Variants in NIT2 observed in about 807,000 individuals in gnomAD.
NIT2 encodes the protein omega-amidase NIT2.
In NIT2, 46 loss-of-function variants were observed where a neutral mutation model predicts 42.7. The ratio of observed to expected loss-of-function variants is 1.08; its 90% CI spans 0.85 to 1.38. NIT2 has a LOEUF of 1.38. NIT2 is among the 40% of genes most tolerant of loss of function. The pLI is 0.00. For synonymous variants in NIT2, 123 were observed against 121.9 expected, an observed-to-expected ratio of 1.01 and a Z score of -0.06; for missense variants, 309 against 342.5, an observed-to-expected ratio of 0.90 and a Z score of 0.77.
intron 8 of NIT2, 52 bp from the exon 9 acceptor site, chr3:100,354,720 A>G (rs1706307675): frequency 6.9e-7 from 1 of 1,451,554 alleles, no homozygotes; most frequent in Admixed American, 1.9e-5. Context: ...AGAGACCTTG[A>G]ATATCACCAA....
intron 4 of NIT2, among the ~76,000 whole-genome samples, chr3:100,344,970 T>A (rs76870275): frequency 2.2e-4 from 28 of 126,520 alleles, no homozygotes; most frequent in Non-Finnish European, 3.7e-4. Flanking sequence ...TTTTTTTTTT[T>A]GAGAGAGAGA....
At chr3:100,354,710 A>T in intron 8 of NIT2, 62 bp from the exon 9 acceptor site, 1 of 1,359,802 alleles carries the variant, frequency 7.4e-7, no homozygotes, top group Non-Finnish European at 1.0e-6. Flanking sequence ...AGGAAAAAAC[A>T]GAGACCTTGA....
chr3:100,343,034 A>G (rs1273662842), intron 4 of NIT2, among the ~76,000 whole-genome samples: 1 of 148,568 alleles, frequency 6.7e-6, no homozygotes, highest in Non-Finnish European at 1.5e-5. Context: ...TTTTTCCACT[A>G]GTAGTTGTTA....
intron 5 of NIT2, 76 bp downstream of exon 5, chr3:100,345,754 C>A: frequency 1.1e-6 from 1 of 899,342 alleles, no homozygotes; most frequent in Non-Finnish European, 1.8e-6. Context: ...TTTTGTCTCT[C>A]TCCGATTTCT....
intron 7 of NIT2, 70 bp downstream of exon 7, chr3:100,348,951 A>C (rs1317837399): frequency 1.5e-6 from 2 of 1,325,270 alleles, no homozygotes; most frequent in Non-Finnish European, 2.2e-6. Flanking sequence ...GGTTGGGTGG[A>C]GGTGCCAGCC....
In NIT2 at chr3:100,357,821, T is replaced by C. The variant is rs1170082768; in HGVS notation, c.*2553T>C. 1.3e-5 allele frequency: 2 copies of C among 152,208 alleles called. No individual in the cohort carries two copies. The highest frequency in any genetic ancestry group is 3.9e-4 in the East Asian group (2 of 5,178). 9.4% of individuals were successfully genotyped at this position (152,208 alleles called of 1,614,324 possible). A position where few individuals can be genotyped will look rare whatever the true frequency, so the allele number is the denominator to read the frequency against. ...CATGCCTGGCTAATTTTTGTGTTTT[T>C]AGTAGAGATGGGGTTTCACCATCTT... is the stretch of plus-strand genomic sequence containing the variant. On this transcript the variant is annotated 3_prime_UTR_variant, in exon 10 of 10. Coordinates refer to ENST00000394140, the MANE Select transcript of NIT2 (RefSeq NM_020202.5).
At chr3:100,349,146 T>TA in intron 7 of NIT2, 1 of 316,074 alleles carries the variant, frequency 3.2e-6, no homozygotes, top group Admixed American at 4.5e-5. Context: ...AGACGGGTCT[T>TA]ACCATTGCCC....
At position 100,355,180 on chromosome 3, in the gene NIT2, T is replaced by C; in HGVS notation, c.743T>C (p.Leu248Pro). 1 of 1,613,810 alleles carries C rather than the reference T, an allele frequency of 6.2e-7. No individual in the cohort carries two copies. The highest frequency in any genetic ancestry group is 8.5e-7 in the Non-Finnish European group (1 of 1,179,736). The change falls in exon 10 of 10, where the codon CTG (leucine) becomes CCG (proline). Residue 248 changes from leucine (L) to proline (P), a missense_variant. Coordinates refer to ENST00000394140, the MANE Select transcript of NIT2 (RefSeq NM_020202.5). Reference sequence around the variant, plus strand: ...TGCACTTTCCTGTTTTTTGCAGACCTGAAGAAGCTGGCTGAAATACGCCAG... The same window carrying C: ...TGCACTTTCCTGTTTTTTGCAGACCCGAAGAAGCTGGCTGAAATACGCCAG... The part of the protein sequence containing the change: ...EEAIVYSDID[L>P]KKLAEIRQQI...
chr3:100,350,114 CCTCTGCCTAGAGGT>C (rs1290432509), intron 7 of NIT2: 1 of 152,116 alleles, frequency 6.6e-6, no homozygotes, highest in Non-Finnish European at 1.5e-5. Context: ...AGTACTCCTC[CCTCTGCCTAGAGGT>C]AGCTGCTGTT....
Position 100,348,897 on chromosome 3 carries a change from T to C in NIT2, c.584+16T>C, listed in dbSNP as rs1164180496. The stretch of plus-strand genomic sequence containing the variant: ...AGCGAAGCCGGTAAGAAAGGAACCA[T>C]ATATTCAAGCCTCTCGGCATGTCCT... On this transcript the variant is annotated intron_variant, in intron 7 of 9. Transcript: ENST00000394140. 5.0e-6 allele frequency: 8 copies of C among 1,609,724 alleles called. No homozygotes were observed. The highest frequency in any genetic ancestry group is 1.3e-5 in the African/African-American group (1 of 74,840).
chr3:100,352,541 T>C, intron 8 of NIT2, 39 bp downstream of exon 8: 1 of 1,514,930 alleles, frequency 6.6e-7, no homozygotes, highest in Non-Finnish European at 9.1e-7. Context: ...AGTCGGAGCT[T>C]GAGCTTGAGT....
chr3:100,339,316 G>A (rs1706119040), intron 2 of NIT2, 111 bp downstream of exon 2: 2 of 757,550 alleles, frequency 2.6e-6, no homozygotes, highest in East Asian at 2.5e-5. Context: ...GTCCCTTGGA[G>A]CCCATAGATT....
chr3:100,342,861 C>T (rs1396892709), intron 4 of NIT2, among the ~76,000 whole-genome samples: 2 of 152,110 alleles, frequency 1.3e-5, no homozygotes, highest in Non-Finnish European at 2.9e-5. Context: ...CTCCTTCTAT[C>T]TGGTATATCC....
intron 5 of NIT2, 61 bp from the exon 6 acceptor site, chr3:100,346,120 C>A: frequency 7.4e-7 from 1 of 1,342,300 alleles, no homozygotes; most frequent in Non-Finnish European, 1.1e-6. Context: ...GAGGATTTCC[C>A]CTGCCACACC....
intron 7 of NIT2, among the ~76,000 whole-genome samples, chr3:100,351,665 C>T (rs1706275377): frequency 6.6e-6 from 1 of 152,166 alleles, no homozygotes; most frequent in South Asian, 2.1e-4. Flanking sequence ...TAGAAGAAAA[C>T]CTAGGCATTA....
At position 100,334,767 on chromosome 3, in the gene NIT2, G is replaced by C. The variant is rs1194209244; in HGVS notation, c.-25G>C. ...GGATCTCCAGCGCTCAGTCCGCGCC[G>C]CAGGTGGTGCTTGTCTGCAGAGTCA... On this transcript the variant is annotated 5_prime_UTR_variant, in exon 1 of 10. Transcript: ENST00000394140. The C allele has an allele frequency of 2.4e-6, 3 of 1,273,910 alleles. No individual in the cohort carries two copies. The highest frequency in any genetic ancestry group is 3.0e-6 in the Non-Finnish European group (3 of 1,003,222). 78.9% of individuals were successfully genotyped at this position (1,273,910 alleles called of 1,614,324 possible). A position where few individuals can be genotyped will look rare whatever the true frequency, so the allele number is the denominator to read the frequency against.
rs183312936 is a variant in NIT2, at chr3:100,360,963, A to T, written c.*5695A>T. 22 of 152,348 alleles carry T rather than the reference A, an allele frequency of 1.4e-4. No individual in the cohort carries two copies. The highest frequency in any genetic ancestry group is 2.8e-4 in the Non-Finnish European group (19 of 68,072). The allele number at this position is 152,348 out of a possible 1,614,324, so 9.4% of individuals were successfully genotyped here. Reference sequence around the variant, plus strand: ...TAGATTTGGGCTGTGACGCAAACCCACTGCATGTGCAGTATCCACCTAGCT... The same window carrying T: ...TAGATTTGGGCTGTGACGCAAACCCTCTGCATGTGCAGTATCCACCTAGCT... On this transcript the variant is annotated 3_prime_UTR_variant, in exon 10 of 10. Coordinates refer to ENST00000394140, the MANE Select transcript of NIT2 (RefSeq NM_020202.5).
chr3:100,346,147 A>G (rs1180350283), intron 5 of NIT2, 34 bp from the exon 6 acceptor site: 2 of 1,586,270 alleles, frequency 1.3e-6, no homozygotes, highest in African/African-American at 2.7e-5. Context: ...TAGGGAGTTA[A>G]CTTTTCATTT....
intron 6 of NIT2, among the ~76,000 whole-genome samples, chr3:100,347,521 C>G (rs1323568701): frequency 6.6e-6 from 1 of 152,178 alleles, no homozygotes; most frequent in African/African-American, 2.4e-5. Context: ...CCTTGGTCTC[C>G]TGGACTCAAG....
Sources: gnomAD v4.1 joint callset for allele counts (sites outside exome capture counted in the v4.1 genomes callset) on GRCh38, gnomAD v4.1.1 for gene constraint, MANE v1.5 for transcripts, NCBI Gene and HGNC (gene_info 2026-07-23, HGNC 2026-07-21) for gene names.